Variants in ARID5B observed in about 807,000 individuals in gnomAD.
ARID5B encodes the protein AT-rich interaction domain 5B.
Under a neutral mutation model 97.2 loss-of-function variants are expected in ARID5B, and 13 were observed. The ratio of observed to expected loss-of-function variants is 0.13; its 90% CI spans 0.09 to 0.21. The LOEUF is 0.21. Among genes scored for constraint, ARID5B ranks in the 10% least tolerant of loss-of-function variants. ARID5B has a pLI of 1.00. For synonymous variants in ARID5B, 556 were observed against 570.3 expected (o/e 0.97, Z 0.36); for missense variants, 1,210 against 1,465.3 (o/e 0.83, Z 2.84).
chr10:61,912,150 A>G (rs1022142813), intron 2 of ARID5B, among the ~76,000 whole-genome samples: 2 of 152,240 alleles, frequency 1.3e-5, no homozygotes, highest in Non-Finnish European at 2.9e-5. Flanking sequence ...ATGTTGTTTC[A>G]CAAGCACAAA....
Position 62,092,660 on chromosome 10 carries a change from C to T in ARID5B, c.3197C>T (p.Ser1066Leu). 1 of 1,614,008 alleles carries T rather than the reference C, an allele frequency of 6.2e-7. No homozygotes were observed. Among genetic ancestry groups the T allele is most frequent in the Non-Finnish European group, 8.5e-7 (1 of 1,179,964 alleles). ...CACGGTGGGCATTCCGGGGGCGGAT[C>T]AGAAGGCCACAAGCTTCCCCTCTCC... is the stretch of plus-strand genomic sequence containing the variant. ...AAHGGHSGGG[S>L]EGHKLPLSSP... The change falls in exon 10 of 10, where the codon TCA becomes TTA. Residue 1066 changes from serine to leucine, a missense_variant. Ser to Leu is a moderately radical substitution (Grantham distance 145). Around this residue, in one of 8 missense-constraint regions of ARID5B, gnomAD observed 800 missense variants for 839.1 expected, o/e 0.95. Coordinates refer to ENST00000279873, the MANE Select transcript of ARID5B (RefSeq NM_032199.3).
intron 2 of ARID5B, among the ~76,000 whole-genome samples, chr10:61,935,603 G>T (rs1394251791): frequency 6.6e-6 from 1 of 152,074 alleles, no homozygotes; most frequent in African/African-American, 2.4e-5. Flanking sequence ...TTAATATGAG[G>T]GGTTTTGAGG....
At chr10:62,024,264 T>C (rs1335078698) in intron 4 of ARID5B, among the ~76,000 whole-genome samples, 2 of 152,222 alleles carry the variant, frequency 1.3e-5, no homozygotes, top group African/African-American at 4.8e-5. Context: ...AGTAAATAGA[T>C]ACATTTATAT....
At chr10:61,945,655 G>A (rs1315169524) in intron 3 of ARID5B, among the ~76,000 whole-genome samples, 1 of 152,032 alleles carries the variant, frequency 6.6e-6, no homozygotes, top group Non-Finnish European at 1.5e-5. Flanking sequence ...TCTAAAATGG[G>A]CAATAATATG....
intron 8 of ARID5B, among the ~76,000 whole-genome samples, chr10:62,075,226 G>A (rs140423380): frequency 1.3e-5 from 2 of 152,338 alleles, no homozygotes; most frequent in African/African-American, 2.4e-5. Flanking sequence ...GGTAGATGCC[G>A]TCTGTGCGCT....
In ARID5B at chr10:62,092,621, G is replaced by A; in HGVS notation, c.3158G>A (p.Gly1053Asp). The change falls in exon 10 of 10, where the codon GGC becomes GAC. Residue 1053 changes from glycine to aspartate, a missense_variant. Physicochemically the swap from Gly to Asp is moderately conservative, Grantham distance 94 (BLOSUM62 -1). Around this residue, in one of 8 missense-constraint regions of ARID5B, gnomAD observed 800 missense variants for 839.1 expected, o/e 0.95. Coordinates refer to ENST00000279873, the MANE Select transcript of ARID5B (RefSeq NM_032199.3). ...KEKASEQESEGSKAAHGGHSG... is the reference protein window; with the variant it reads ...KEKASEQESEDSKAAHGGHSG... ...AAGGCCTCTGAGCAGGAGAGTGAAG[G>A]CAGCAAAGCAGCGCACGGTGGGCAT... is the stretch of plus-strand genomic sequence containing the variant. 1 of 1,614,178 alleles carries A rather than the reference G, an allele frequency of 6.2e-7. No individual in the cohort carries two copies. The highest frequency in any genetic ancestry group is 1.1e-5 in the South Asian group (1 of 91,088).
rs1839866813 is a variant in ARID5B, at chr10:62,057,128, G to C, written c.858G>C (p.Glu286Asp). ...TTTCCCTTTTCCAGGTGAAATGTGA[G>C]GCCAGGTCAGCCTTGACCAAGCCGA... Reference protein sequence around the residue: ...DGKAVAKVKCEARSALTKPKN... With the variant: ...DGKAVAKVKCDARSALTKPKN... The change falls in exon 6 of 10, where the codon GAG (glutamate) becomes GAC (aspartate). Residue 286 changes from glutamate (E) to aspartate (D), a missense_variant. Physicochemically the swap from Glu to Asp is conservative, Grantham distance 45. This residue lies in a region of ARID5B where 132 missense variants were observed against 156.7 expected (regional missense o/e 0.84). Transcript: ENST00000279873. 1 of 1,613,406 alleles carries C rather than the reference G, an allele frequency of 6.2e-7. No homozygotes were observed. The highest frequency in any genetic ancestry group is 2.2e-5 in the East Asian group (1 of 44,832).
intron 7 of ARID5B, among the ~76,000 whole-genome samples, chr10:62,060,472 G>A (rs1406418877): frequency 6.6e-6 from 1 of 152,150 alleles, no homozygotes; most frequent in African/African-American, 2.4e-5. Context: ...CATATAAAAT[G>A]TGCATTTCAT....
chr10:62,077,524 C>T (rs559868897), intron 8 of ARID5B, among the ~76,000 whole-genome samples: 2 of 132,860 alleles, frequency 1.5e-5, no homozygotes, highest in Admixed American at 1.5e-4. Context: ...TTTGTTTGAC[C>T]CCCCCCAAAA....
At position 61,969,719 on chromosome 10, in the gene ARID5B, C is replaced by T. The variant is rs75626224; in HGVS notation, c.502+29311C>T. Among the ~76,000 whole-genome samples the T allele has an allele frequency of 6.4e-3, 968 of 152,308 alleles. 9 individuals are homozygous for T. Among genetic ancestry groups the T allele is most frequent in the Middle Eastern group, 0.048 (14 of 294 alleles). ...TGACACTTTACCCAACCAATTTTCA[C>T]TCAAGAATCTTCATATTCTATTGTC... On this transcript the variant is annotated intron_variant, in intron 3 of 9. Transcript: ENST00000279873.
At chr10:62,049,864 A>G (rs1839762519) in intron 4 of ARID5B, among the ~76,000 whole-genome samples, 1 of 152,238 alleles carries the variant, frequency 6.6e-6, no homozygotes, top group South Asian at 2.1e-4. Context: ...TGTCATAATC[A>G]CTCCTTAAGT....
At chr10:61,944,760 A>AT (rs1844473608) in intron 3 of ARID5B, among the ~76,000 whole-genome samples, 1 of 152,160 alleles carries the variant, frequency 6.6e-6, no homozygotes, top group African/African-American at 2.4e-5. Flanking sequence ...CAGCATTTTC[A>AT]TTTTTTTGCA....
intron 2 of ARID5B, among the ~76,000 whole-genome samples, chr10:61,914,024 T>C (rs1299408205): frequency 6.6e-6 from 1 of 152,192 alleles, no homozygotes; most frequent in African/African-American, 2.4e-5. Flanking sequence ...GTGCTGGGAT[T>C]ACAGGCGTGA....
At chr10:62,057,087 G>C in intron 5 of ARID5B, 30 bp from the exon 6 acceptor site, 1 of 1,609,478 alleles carries the variant, frequency 6.2e-7, no homozygotes, top group African/African-American at 1.3e-5. Context: ...GCTGTGCCTC[G>C]TCTGATGTGG....
rs115953689 is a variant in ARID5B, at chr10:61,944,571, G to A, written c.502+4163G>A. Among the ~76,000 whole-genome samples the A allele has an allele frequency of 4.4e-3, 673 of 152,160 alleles. 1 individual carries two copies. The highest frequency in any genetic ancestry group is 0.015 in the African/African-American group (635 of 41,522). ...TGATTCTTACAGAGTTCCTTTAAGCGAAGTATGAAAGCTGCAGTGTAAGCT... is the reference window on the plus strand; with the variant it reads ...TGATTCTTACAGAGTTCCTTTAAGCAAAGTATGAAAGCTGCAGTGTAAGCT... On this transcript the variant is annotated intron_variant, in intron 3 of 9. Transcript: ENST00000279873.
At position 62,057,185 on chromosome 10, in the gene ARID5B, T is replaced by C; in HGVS notation, c.915T>C (p.Asn305=). The C allele has an allele frequency of 1.9e-6, 3 of 1,613,486 alleles. No individual in the cohort carries two copies. Among genetic ancestry groups the C allele is most frequent in the Non-Finnish European group, 2.5e-6 (3 of 1,179,746 alleles). The change falls in exon 6 of 10, where the codon AAT becomes AAC. Residue 305 remains asparagine, a synonymous_variant. Transcript: ENST00000279873. ...KNNHNCKKVS[N]EEKPKVAIGE... ...ACCATAACTGTAAAAAAGTCTCAAA[T>C]GAAGAAAAACCAAAGGTTGCCATTG...
At chr10:61,905,679 T>A (rs963929858) in intron 2 of ARID5B, among the ~76,000 whole-genome samples, 4 of 152,186 alleles carry the variant, frequency 2.6e-5, no homozygotes, top group Non-Finnish European at 5.9e-5. Flanking sequence ...TATTACATTC[T>A]AGAAGTGTGT....
chr10:62,076,253 G>C (rs1564644989), intron 8 of ARID5B, among the ~76,000 whole-genome samples: 2 of 152,154 alleles, frequency 1.3e-5, no homozygotes, highest in Non-Finnish European at 2.9e-5. Context: ...TTATATCTAT[G>C]TCTGTGGTGG....
At chr10:62,075,232 G>A (rs536194567) in intron 8 of ARID5B, among the ~76,000 whole-genome samples, 4 of 152,330 alleles carry the variant, frequency 2.6e-5, no homozygotes, top group African/African-American at 9.6e-5. Flanking sequence ...TGCCGTCTGT[G>A]CGCTTCCTGA....
Sources: allele counts gnomAD v4.1 joint callset (sites outside exome capture counted in the v4.1 genomes callset), GRCh38; gene constraint gnomAD v4.1.1; regional missense constraint gnomAD v4.1.1; transcripts MANE v1.5; gene names NCBI Gene and HGNC (gene_info 2026-07-23, HGNC 2026-07-21).